FOXJ3: variants seen among roughly 807,000 people sequenced by gnomAD.
FOXJ3 encodes forkhead box J3, also known as forkhead box protein J3.
In FOXJ3, 22 loss-of-function variants were observed where a neutral mutation model predicts 76.1. The observed-to-expected ratio is 0.29, with a 90% CI of 0.21 to 0.41. FOXJ3 has a LOEUF of 0.41. FOXJ3 is among the 10% of genes least tolerant of loss of function. The probability of loss-of-function intolerance (pLI) is 1.00; values close to 1 mark genes in which losing one functional copy is unlikely to be tolerated. For synonymous variants in FOXJ3, 269 were observed against 261.2 expected (o/e 1.03, Z -0.29); for missense variants, 613 against 762.1 (o/e 0.80, Z 2.30).
At chr1:42,216,244 C>T (rs980867885) in intron 5 of FOXJ3, among the ~76,000 whole-genome samples, 4 of 151,922 alleles carry the variant, frequency 2.6e-5, no homozygotes, top group African/African-American at 7.3e-5. Context: ...TGTTGCCGGG[C>T]GCGGTGGCTC....
chr1:42,205,241 C>T (rs771838501), intron 6 of FOXJ3, among the ~76,000 whole-genome samples: 1 of 152,158 alleles, frequency 6.6e-6, no homozygotes, highest in Non-Finnish European at 1.5e-5. Context: ...AATGACCCAT[C>T]ACAAAGTTGT....
At chr1:42,256,170 G>A (rs1271624557) in intron 4 of FOXJ3, among the ~76,000 whole-genome samples, 3 of 152,070 alleles carry the variant, frequency 2.0e-5, no homozygotes, top group African/African-American at 4.8e-5. Flanking sequence ...CTTCATGACC[G>A]TACTTGATTT....
intron 5 of FOXJ3, among the ~76,000 whole-genome samples, chr1:42,217,842 TTAAA>T (rs1454508145): frequency 6.6e-6 from 1 of 152,220 alleles, no homozygotes; most frequent in African/African-American, 2.4e-5. Context: ...CTTATAAACT[TTAAA>T]TACGCAGTTA....
chr1:42,263,619 G>A (rs1377130678), intron 4 of FOXJ3, among the ~76,000 whole-genome samples: 1 of 152,064 alleles, frequency 6.6e-6, no homozygotes, highest in African/African-American at 2.4e-5. Flanking sequence ...ATCTTACTGA[G>A]AACCAACTTG....
At chr1:42,217,389 C>A (rs538901919) in intron 5 of FOXJ3, among the ~76,000 whole-genome samples, 25 of 152,070 alleles carry the variant, frequency 1.6e-4, no homozygotes, top group African/African-American at 5.8e-4. Flanking sequence ...CTTCGCTGGG[C>A]GTGGTGGCAT....
intron 4 of FOXJ3, among the ~76,000 whole-genome samples, chr1:42,235,684 T>C (rs901922879): frequency 6.6e-6 from 1 of 151,968 alleles, no homozygotes; most frequent in African/African-American, 2.4e-5. Flanking sequence ...TGCCTTAGCC[T>C]CCCAGGTAGC....
chr1:42,181,251 T>C (rs1441078942), intron 12 of FOXJ3, among the ~76,000 whole-genome samples: 10 of 152,220 alleles, frequency 6.6e-5, no homozygotes, highest in Non-Finnish European at 8.8e-5. Flanking sequence ...AGAGCCTCCA[T>C]TATCCTAAGT....
intron 4 of FOXJ3, among the ~76,000 whole-genome samples, chr1:42,236,336 T>G (rs681087): frequency 0.73 from 111,339 of 151,952 alleles, 40,986 homozygotes; most frequent in Admixed American, 0.81. Context: ...GACTATAAGT[T>G]CCTGTCACCA....
intron 4 of FOXJ3, among the ~76,000 whole-genome samples, chr1:42,249,310 A>G (rs187759451): frequency 1.3e-5 from 2 of 152,356 alleles, no homozygotes; most frequent in Admixed American, 1.3e-4. Flanking sequence ...CCTGATTTCT[A>G]GCTGATTCCT....
intron 1 of FOXJ3, among the ~76,000 whole-genome samples, chr1:42,317,535 ACTTG>A (rs1655188799): frequency 1.4e-5 from 2 of 139,652 alleles, no homozygotes. Flanking sequence ...AAAAAAAAAA[ACTTG>A]AGGAAGTTGG....
chr1:42,203,564 T>C (rs190673901), intron 6 of FOXJ3, among the ~76,000 whole-genome samples: 1 of 152,330 alleles, frequency 6.6e-6, no homozygotes, highest in Admixed American at 6.5e-5. Context: ...CTCTCCTCCT[T>C]TGAAGACCAT....
intron 4 of FOXJ3, among the ~76,000 whole-genome samples, chr1:42,239,139 A>C (rs1388619801): frequency 1.3e-5 from 2 of 152,152 alleles, no homozygotes; most frequent in Non-Finnish European, 2.9e-5. Flanking sequence ...ACCTTGCTAA[A>C]CTCACATATT....
At chr1:42,248,693 G>T (rs1331379629) in intron 4 of FOXJ3, among the ~76,000 whole-genome samples, 1 of 145,884 alleles carries the variant, frequency 6.9e-6, no homozygotes, top group Non-Finnish European at 1.5e-5. Flanking sequence ...CAAAGCCAGT[G>T]ATATTGTCCA....
intron 4 of FOXJ3, among the ~76,000 whole-genome samples, chr1:42,240,071 A>C (rs144195796): frequency 6.6e-6 from 1 of 152,232 alleles, no homozygotes; most frequent in Non-Finnish European, 1.5e-5. Flanking sequence ...AGAAAGAAGA[A>C]TATCTTAAGA....
intron 3 of FOXJ3, among the ~76,000 whole-genome samples, chr1:42,268,397 T>G (rs756309263): frequency 4.6e-5 from 7 of 151,978 alleles, no homozygotes; most frequent in African/African-American, 7.2e-5. Flanking sequence ...CTGAAAAAAT[T>G]CATTTCGGCT....
intron 3 of FOXJ3, among the ~76,000 whole-genome samples, chr1:42,271,504 TATA>T (rs1651863268): frequency 1.3e-5 from 2 of 152,228 alleles, no homozygotes; most frequent in East Asian, 3.9e-4. Context: ...ACACATAATG[TATA>T]ATATTATTCC....
intron 4 of FOXJ3, among the ~76,000 whole-genome samples, chr1:42,230,251 A>C (rs981084773): frequency 6.6e-6 from 1 of 152,202 alleles, no homozygotes; most frequent in Non-Finnish European, 1.5e-5. Flanking sequence ...CACAGGTTTG[A>C]ATAAAGAGAC....
In FOXJ3 at chr1:42,222,049, A is replaced by G. The variant is rs11580801; in HGVS notation, c.528+5834T>C. The stretch of plus-strand genomic sequence containing the variant: ...GGAGGGGGAGGAGAAGGAGAAGGAG[A>G]AGAAGAAGAAGAAGAAGAAGAAGAA... On this transcript the variant is annotated intron_variant, in intron 5 of 12. Coordinates refer to ENST00000361346, the MANE Select transcript of FOXJ3 (RefSeq NM_014947.5). Among the ~76,000 whole-genome samples the G allele has an allele frequency of 6.5e-5, 4 of 61,308 alleles. 1 individual carries two copies. Among genetic ancestry groups the G allele is most frequent in the African/African-American group, 3.2e-4 (4 of 12,530 alleles). 40.2% of individuals were successfully genotyped at this position (61,308 alleles called of 152,430 possible).
chr1:42,243,494 A>T, intron 4 of FOXJ3, among the ~76,000 whole-genome samples: 1 of 152,212 alleles, frequency 6.6e-6, no homozygotes, highest in East Asian at 1.9e-4. Context: ...AACAAAAAAC[A>T]AAAACCATGA....
Sources: allele counts gnomAD v4.1 joint callset (sites outside exome capture counted in the v4.1 genomes callset), GRCh38; gene constraint gnomAD v4.1.1; transcripts MANE v1.5; gene names NCBI Gene and HGNC (gene_info 2026-07-23, HGNC 2026-07-21).